TSGA10: variants seen among roughly 807,000 people sequenced by gnomAD.
TSGA10 encodes the protein testis specific 10.
TSGA10 carries 43 observed loss-of-function variants against 96.6 expected under a neutral mutation model. The ratio of observed to expected loss-of-function variants is 0.44; its 90% CI spans 0.35 to 0.57. The LOEUF (loss-of-function observed/expected upper bound fraction) is 0.57, where lower values mean the gene tolerates loss of function less well. Ranked by LOEUF, TSGA10 falls within the 20% of genes least tolerant of loss-of-function variation. The probability of loss-of-function intolerance (pLI) is 0.01; values close to 1 mark genes in which losing one functional copy is unlikely to be tolerated. For missense variants in TSGA10, 703 were observed against 834.4 expected (o/e 0.84, Z 1.94); for synonymous variants, 229 against 269.9 (o/e 0.85, Z 1.48).
intron 20 of TSGA10, among the ~76,000 whole-genome samples, chr2:99,010,511 T>C (rs939274812): frequency 1.3e-5 from 2 of 152,138 alleles, no homozygotes; most frequent in Non-Finnish European, 2.9e-5. Flanking sequence ...TAACCTTATC[T>C]AGAGATGAAA....
intron 12 of TSGA10, among the ~76,000 whole-genome samples, chr2:99,076,075 C>T (rs1415747525): frequency 1.3e-5 from 2 of 152,076 alleles, no homozygotes; most frequent in Non-Finnish European, 2.9e-5. Flanking sequence ...ACCTAAAAGT[C>T]CAAGAGCCTT....
intron 1 of TSGA10, among the ~76,000 whole-genome samples, chr2:99,134,981 G>A (rs972631512): frequency 2.6e-5 from 4 of 152,078 alleles, no homozygotes; most frequent in Non-Finnish European, 4.4e-5. Flanking sequence ...GTCCCAGAGG[G>A]GCACCCACCA....
chr2:99,060,052 TA>T lies in TSGA10; in HGVS notation c.1404+4886del, dbSNP rs1453069923. ...TCTCACCACTTTTATTCAATACTGA[TA>T]TTTGAAGTACTAGGCAGAAGAAAAA... On this transcript the variant is annotated intron_variant, in intron 16 of 20. Transcript: ENST00000393483. 2.6e-5 allele frequency among the ~76,000 whole-genome samples: 4 copies of T among 152,006 alleles called. No homozygotes were observed. In the East Asian group the frequency reaches 7.7e-4, roughly 29 times the overall value.
intron 1 of TSGA10, among the ~76,000 whole-genome samples, chr2:99,152,483 C>G (rs1228597747): frequency 6.6e-6 from 1 of 152,150 alleles, no homozygotes; most frequent in Non-Finnish European, 1.5e-5. Flanking sequence ...CAGAGTCTTA[C>G]AATGTTACCC....
At chr2:99,046,050 CA>C (rs2082739159) in intron 16 of TSGA10, among the ~76,000 whole-genome samples, 1 of 152,104 alleles carries the variant, frequency 6.6e-6, no homozygotes, top group African/African-American at 2.4e-5. Flanking sequence ...GTACCCAATA[CA>C]GGAGCACCCA....
chr2:99,144,820 G>A (rs946445750), intron 1 of TSGA10, among the ~76,000 whole-genome samples: 4 of 152,110 alleles, frequency 2.6e-5, no homozygotes, highest in Admixed American at 2.0e-4. Context: ...TCAGGCTGGG[G>A]GAACTGTAAG....
At chr2:99,078,839 G>A in intron 11 of TSGA10, 26 bp from the exon 12 acceptor site, 1 of 1,563,152 alleles carries the variant, frequency 6.4e-7, no homozygotes. Context: ...TAAAAGTGTT[G>A]TTTTAATCAA....
Position 99,065,109 on chromosome 2 carries a change from G to A in TSGA10, c.1234C>T (p.Gln412Ter). ...ILKSEESENR[Q>*]MMEQLRKANE... ...GCTTTTCGAAGTTGTTCCATCATTT[G>A]CCGGTTCTCAGATTCCTGAAAAGCA... Residue 412 changes from glutamine (Q) to a stop codon, truncating the protein, a stop_gained, in exon 16 of 21, where the codon CAA becomes TAA. Transcript: ENST00000393483. LOFTEE classifies it high-confidence loss of function. The A allele has an allele frequency of 6.2e-7, 1 of 1,611,300 alleles. No individual in the cohort carries two copies. Among genetic ancestry groups the A allele is most frequent in the Non-Finnish European group, 8.5e-7 (1 of 1,179,260 alleles).
At chr2:99,049,351 C>A (rs1447645607) in intron 16 of TSGA10, among the ~76,000 whole-genome samples, 3 of 152,108 alleles carry the variant, frequency 2.0e-5, no homozygotes, top group Non-Finnish European at 2.9e-5. Context: ...CAATGACAGA[C>A]CGGATAAAGA....
intron 20 of TSGA10, among the ~76,000 whole-genome samples, chr2:99,006,184 A>G (rs1161120009): frequency 6.6e-6 from 1 of 152,252 alleles, no homozygotes; most frequent in African/African-American, 2.4e-5. Flanking sequence ...TAAAACCATA[A>G]AAACCTTAGA....
At chr2:99,136,958 T>C (rs1478795996) in intron 1 of TSGA10, among the ~76,000 whole-genome samples, 2 of 151,832 alleles carry the variant, frequency 1.3e-5, no homozygotes, top group African/African-American at 4.8e-5. Flanking sequence ...TTTTATGGGA[T>C]GTCCACAGCC....
intron 1 of TSGA10, among the ~76,000 whole-genome samples, chr2:99,152,387 A>G (rs1174010064): frequency 1.3e-5 from 2 of 152,136 alleles, no homozygotes; most frequent in African/African-American, 4.8e-5. Flanking sequence ...CCTGTTCTTA[A>G]GCGATCTTCC....
chr2:99,069,448 A>G (rs1187904290), intron 14 of TSGA10, among the ~76,000 whole-genome samples: 1 of 152,090 alleles, frequency 6.6e-6, no homozygotes, highest in African/African-American at 2.4e-5. Flanking sequence ...AAAAATGTTG[A>G]TTATTTTTGA....
At position 99,127,169 on chromosome 2, in the gene TSGA10, G is replaced by C. The variant is rs1181247049; in HGVS notation, c.-613C>G. 3.1e-6 allele frequency: 4 copies of C among 1,284,368 alleles called. No individual in the cohort carries two copies. In the African/African-American group the frequency reaches 6.1e-5, roughly 20 times the overall value. 79.6% of individuals were successfully genotyped at this position (1,284,368 alleles called of 1,614,324 possible). On this transcript the variant is annotated 5_prime_UTR_variant, in exon 2 of 21. Coordinates refer to ENST00000393483, the MANE Select transcript of TSGA10 (RefSeq NM_025244.4). ...CCCTAGACCAAAATCATATTCTTTG[G>C]TGGTAACCTAGTACAAAGAATGGGA...
At chr2:99,144,385 G>A (rs2093610453) in intron 1 of TSGA10, among the ~76,000 whole-genome samples, 2 of 150,950 alleles carry the variant, frequency 1.3e-5, no homozygotes, top group Admixed American at 6.6e-5. Flanking sequence ...TCCAGGCAAT[G>A]TCCATTCATA....
At position 99,078,719 on chromosome 2, in the gene TSGA10, T is replaced by C; in HGVS notation, c.822A>G (p.Gln274=). 1.2e-6 allele frequency: 2 copies of C among 1,613,858 alleles called. No homozygotes were observed. The highest frequency in any genetic ancestry group is 1.7e-6 in the Non-Finnish European group (2 of 1,179,900). The change falls in exon 12 of 21, where the codon CAA becomes CAG. Residue 274 remains glutamine (Q), a synonymous_variant. Coordinates refer to ENST00000393483, the MANE Select transcript of TSGA10 (RefSeq NM_025244.4). The part of the protein sequence containing the change: ...NDLAKEKECL[Q]ACLDKKSENI... ...TCTCAGATTTTTTATCCAAACATGC[T>C]TGCAGGCATTCCTTTTCTTTAGCCA...
chr2:99,074,000 C>CTTTTTTTTTTTTTTTTTTTT lies in TSGA10; in HGVS notation c.883-947_883-928dup. Among the ~76,000 whole-genome samples, 492 of 52,630 alleles carry CTTTTTTTTTTTTTTTTTTTT rather than the reference C, an allele frequency of 9.3e-3. 137 individuals carry two copies. Among genetic ancestry groups the CTTTTTTTTTTTTTTTTTTTT allele is most frequent in the African/African-American group, 0.014 (181 of 13,350 alleles). 34.5% of individuals were successfully genotyped at this position (52,630 alleles called of 152,430 possible). A position where few individuals can be genotyped will look rare whatever the true frequency, so the allele number is the denominator to read the frequency against. ...AACCAATTCTGTTCCTGTTTCTTTT[C>CTTTTTTTTTTTTTTTTTTTT]TTTTTTTTTTTTTTTTTTTTTTTTT... is the stretch of plus-strand genomic sequence containing the variant. On this transcript the variant is annotated intron_variant, in intron 12 of 20. Transcript: ENST00000393483.
At chr2:99,047,276 G>C (rs943511846) in intron 16 of TSGA10, among the ~76,000 whole-genome samples, 2 of 152,070 alleles carry the variant, frequency 1.3e-5, no homozygotes, top group African/African-American at 2.4e-5. Context: ...ACAAAAAAAG[G>C]ATAATTTTAG....
intron 16 of TSGA10, among the ~76,000 whole-genome samples, chr2:99,055,722 G>T (rs1475845413): frequency 6.6e-6 from 1 of 151,912 alleles, no homozygotes; most frequent in African/African-American, 2.4e-5. Flanking sequence ...AGGCAGAGTA[G>T]CTCACACCTG....
Sources: allele counts gnomAD v4.1 joint callset (sites outside exome capture counted in the v4.1 genomes callset), GRCh38; gene constraint gnomAD v4.1.1; transcripts MANE v1.5; gene names NCBI Gene and HGNC (gene_info 2026-07-23, HGNC 2026-07-21).